Variants in KLHDC10 observed in about 807,000 individuals in gnomAD.
KLHDC10 encodes kelch domain-containing protein 10.
In KLHDC10, 24 loss-of-function variants were observed where a neutral mutation model predicts 56.1. The observed-to-expected ratio is 0.43, with a 90% confidence interval of 0.31 to 0.60. The LOEUF (loss-of-function observed/expected upper bound fraction) is 0.60. KLHDC10 is among the 20% of genes least tolerant of loss of function. The pLI is 0.11. For missense variants in KLHDC10, 349 were observed against 567.0 expected (o/e 0.62, Z 3.91); for synonymous variants, 188 against 207.1 (o/e 0.91, Z 0.79).
At chr7:130,090,514 C>T (rs572142100) in intron 1 of KLHDC10, among the ~76,000 whole-genome samples, 1 of 151,032 alleles carries the variant, frequency 6.6e-6, no homozygotes, top group Non-Finnish European at 1.5e-5. Flanking sequence ...CCTGAGCCCA[C>T]GAGGTGGAGG....
chr7:130,103,733 A>T (rs1201428296), intron 2 of KLHDC10, among the ~76,000 whole-genome samples: 1 of 152,056 alleles, frequency 6.6e-6, no homozygotes, highest in Non-Finnish European at 1.5e-5. Context: ...TCAAAATAAG[A>T]TTTCTGAAAG....
At chr7:130,117,849 C>CAAAAAAA (rs60800057) in intron 3 of KLHDC10, among the ~76,000 whole-genome samples, 68 of 73,136 alleles carry the variant, frequency 9.3e-4, no homozygotes, top group Non-Finnish European at 1.1e-3. Flanking sequence ...GACCCTGTCT[C>CAAAAAAA]AAAAAAAAAA....
chr7:130,113,749 TATAAC>T (rs1439875527), intron 2 of KLHDC10, among the ~76,000 whole-genome samples: 4 of 152,348 alleles, frequency 2.6e-5, no homozygotes, highest in Middle Eastern at 3.4e-3. Context: ...GCAATAAACT[TATAAC>T]ATTACTTTCC....
chr7:130,077,107 C>A (rs1795515231), intron 1 of KLHDC10, among the ~76,000 whole-genome samples: 2 of 151,944 alleles, frequency 1.3e-5, no homozygotes, highest in Non-Finnish European at 2.9e-5. Context: ...TTAATCCCAA[C>A]ACTTTGGGAT....
At chr7:130,091,039 G>GT (rs1437543813) in intron 1 of KLHDC10, among the ~76,000 whole-genome samples, 3 of 151,810 alleles carry the variant, frequency 2.0e-5, no homozygotes, top group African/African-American at 7.3e-5. Context: ...TTGGTTGCAT[G>GT]TATCAATAGT....
chr7:130,111,522 A>G (rs1796101071), intron 2 of KLHDC10, among the ~76,000 whole-genome samples: 1 of 152,176 alleles, frequency 6.6e-6, no homozygotes, highest in Non-Finnish European at 1.5e-5. Context: ...CAGCCTGGGC[A>G]ACATAATGAT....
rs770613632 is a variant in KLHDC10 at position 130,070,691 on chromosome 7, C to T, written c.48C>T (p.Gly16=). Reference sequence around the variant, plus strand: ...ACAGGAACCGCCGGAGGGGAGGAGGCGCCGCCGGCGCTGGTGGCGGAGGTA... The same window carrying T: ...ACAGGAACCGCCGGAGGGGAGGAGGTGCCGCCGGCGCTGGTGGCGGAGGTA... The part of the protein sequence containing the change: ...GWDRNRRRGG[G]AAGAGGGGSG... The change falls in exon 1 of 10, where the codon GGC becomes GGT. Residue 16 remains glycine (G), a synonymous_variant. Coordinates refer to ENST00000335420, the MANE Select transcript of KLHDC10 (RefSeq NM_014997.4). The T allele has an allele frequency of 2.8e-5, 37 of 1,298,906 alleles. No homozygotes were observed. Among genetic ancestry groups the T allele is most frequent in the Admixed American group, 4.0e-5 (1 of 25,296 alleles). The allele number at this position is 1,298,906 out of a possible 1,614,324, so 80.5% of individuals were successfully genotyped here.
chr7:130,070,674 C>A lies in KLHDC10; in HGVS notation c.31C>A (p.Arg11Ser). ...GGCCGCCCAGGGCTGGGACAGGAAC[C>A]GCCGGAGGGGAGGAGGCGCCGCCGG... MSAAQGWDRN[R>S]RRGGGAAGAG... is the part of the protein sequence containing the mutation. The change falls in exon 1 of 10, where the codon CGC (arginine) becomes AGC (serine). Residue 11 changes from arginine to serine, a missense_variant. Physicochemically the swap from Arg to Ser is moderately radical, Grantham distance 110 (BLOSUM62 -1). This residue lies in a region of KLHDC10 where 104 missense variants were observed against 97.0 expected (regional missense o/e 1.07). Transcript: ENST00000335420. 1 of 1,307,576 alleles carries A rather than the reference C, an allele frequency of 7.6e-7. No individual in the cohort carries two copies. The highest frequency in any genetic ancestry group is 2.9e-5 in the East Asian group (1 of 33,956). 81.0% of individuals were successfully genotyped at this position (1,307,576 alleles called of 1,614,324 possible). A position where few individuals can be genotyped will look rare whatever the true frequency, so the allele number is the denominator to read the frequency against.
intron 2 of KLHDC10, among the ~76,000 whole-genome samples, chr7:130,108,229 A>AAAAAAAG (rs1446061280): frequency 6.6e-6 from 1 of 152,046 alleles, no homozygotes; most frequent in Non-Finnish European, 1.5e-5. Context: ...CTTGTCTCAA[A>AAAAAAAG]AAAAAAGAAA....
intron 2 of KLHDC10, among the ~76,000 whole-genome samples, chr7:130,102,730 G>A (rs902346718): frequency 6.6e-6 from 1 of 152,142 alleles, no homozygotes; most frequent in African/African-American, 2.4e-5. Context: ...TGAGGCTGAG[G>A]CATGAGAATC....
At chr7:130,077,170 C>T (rs1239868924) in intron 1 of KLHDC10, among the ~76,000 whole-genome samples, 2 of 151,532 alleles carry the variant, frequency 1.3e-5, no homozygotes, top group Non-Finnish European at 2.9e-5. Flanking sequence ...GTCTGACCAA[C>T]ATGGGGAAAC....
intron 2 of KLHDC10, among the ~76,000 whole-genome samples, chr7:130,098,156 C>T (rs942993618): frequency 5.3e-5 from 8 of 151,974 alleles, no homozygotes. Context: ...AGATAAGATC[C>T]TCAAGATGGT....
intron 1 of KLHDC10, among the ~76,000 whole-genome samples, chr7:130,096,295 A>G (rs1385184805): frequency 6.6e-6 from 1 of 152,180 alleles, no homozygotes. Flanking sequence ...TTATAAGAAA[A>G]CATATTTTAA....
chr7:130,134,361 G>A lies in KLHDC10; in HGVS notation c.*3615G>A, dbSNP rs1257093587. 3.9e-5 allele frequency: 6 copies of A among 152,206 alleles called. No homozygotes were observed. The highest frequency in any genetic ancestry group is 3.9e-4 in the Admixed American group (6 of 15,282). 9.4% of individuals were successfully genotyped at this position (152,206 alleles called of 1,614,324 possible). A position where few individuals can be genotyped will look rare whatever the true frequency, so the allele number is the denominator to read the frequency against. On this transcript the variant is annotated 3_prime_UTR_variant, in exon 10 of 10. Coordinates refer to ENST00000335420, the MANE Select transcript of KLHDC10 (RefSeq NM_014997.4). ...CCACAGGTGGTAATCCTGAGTAGATGTAGCTCTTCAGCGTCATCTCCTGCC... is the reference window on the plus strand; with the variant it reads ...CCACAGGTGGTAATCCTGAGTAGATATAGCTCTTCAGCGTCATCTCCTGCC...
At chr7:130,092,345 C>G (rs1239814614) in intron 1 of KLHDC10, among the ~76,000 whole-genome samples, 1 of 152,174 alleles carries the variant, frequency 6.6e-6, no homozygotes, top group Non-Finnish European at 1.5e-5. Context: ...GTTCGATTCT[C>G]TTTTGTGTCT....
At chr7:130,114,152 T>C (rs1796137128) in intron 2 of KLHDC10, among the ~76,000 whole-genome samples, 1 of 152,210 alleles carries the variant, frequency 6.6e-6, no homozygotes, top group Non-Finnish European at 1.5e-5. Flanking sequence ...CTAACTGTTT[T>C]AGGTGTTGTG....
At chr7:130,096,851 C>A in intron 1 of KLHDC10, 70 bp from the exon 2 acceptor site, 1 of 1,072,922 alleles carries the variant, frequency 9.3e-7, no homozygotes, top group Non-Finnish European at 1.4e-6. Context: ...GTCTTTATAA[C>A]TACAGTAACT....
chr7:130,109,673 CTG>C (rs1197780795), intron 2 of KLHDC10, among the ~76,000 whole-genome samples: 2 of 152,202 alleles, frequency 1.3e-5, no homozygotes, highest in African/African-American at 2.4e-5. Flanking sequence ...GAGTCTCACT[CTG>C]TTGCCCAGGC....
chr7:130,077,430 C>G (rs1021957046), intron 1 of KLHDC10, among the ~76,000 whole-genome samples: 1 of 140,094 alleles, frequency 7.1e-6, no homozygotes, highest in Non-Finnish European at 1.5e-5. Context: ...TATCTATCAA[C>G]ATTAAAAAGT....
Sources: allele counts gnomAD v4.1 joint callset (sites outside exome capture counted in the v4.1 genomes callset), GRCh38; gene constraint gnomAD v4.1.1; regional missense constraint gnomAD v4.1.1; transcripts MANE v1.5; gene names NCBI Gene and HGNC (gene_info 2026-07-23, HGNC 2026-07-21).